The following NXPE3 variants were observed in gnomAD, a reference collection of about 807,000 sequenced individuals.
NXPE3 encodes NXPE family member 3.
NXPE3 carries 26 observed loss-of-function variants against 46.1 expected under a neutral mutation model. That is an observed-to-expected ratio of 0.56 (90% confidence interval 0.41 to 0.78). The LOEUF is 0.78. Among genes scored for constraint, NXPE3 ranks in the 30% least tolerant of loss-of-function variants. The pLI, the probability that NXPE3 is intolerant of heterozygous loss-of-function variation, is 0.00. For synonymous variants in NXPE3, 272 were observed against 257.9 expected, an observed-to-expected ratio of 1.05 and a Z score of -0.52; for missense variants, 620 against 686.0, an observed-to-expected ratio of 0.90 and a Z score of 1.07.
At position 101,807,101 on chromosome 3, in the gene NXPE3, A is replaced by G. The variant is rs377102161; in HGVS notation, c.897A>G (p.Val299=). Residue 299 remains valine (V), a synonymous_variant, in exon 6 of 8, where the codon GTA becomes GTG. Coordinates refer to ENST00000273347, the MANE Select transcript of NXPE3 (RefSeq NM_145037.4). Reference sequence around the variant, plus strand: ...TCAACTCCAGTGGACCTGATTGGGTAACTGTGATTCCCAGGAGAATAAAAG... The same window carrying G: ...TCAACTCCAGTGGACCTGATTGGGTGACTGTGATTCCCAGGAGAATAAAAG... ...MPVNSSGPDW[V]TVIPRRIKET... is the part of the protein sequence containing the mutation. 56 of 1,612,936 alleles carry G rather than the reference A, an allele frequency of 3.5e-5. No homozygotes were observed. Among genetic ancestry groups the G allele is most frequent in the Non-Finnish European group, 4.5e-5 (53 of 1,179,108 alleles).
chr3:101,788,854 G>A (rs532349853), intron 4 of NXPE3, among the ~76,000 whole-genome samples: 11 of 152,016 alleles, frequency 7.2e-5, no homozygotes, highest in Admixed American at 2.0e-4. Flanking sequence ...GACCTCAGGC[G>A]ATCCACCCAC....
chr3:101,816,828 G>C lies in NXPE3; in HGVS notation c.956G>C (p.Gly319Ala), dbSNP rs140150886. The C allele has an allele frequency of 1.4e-4, 220 of 1,614,036 alleles. 1 individual carries two copies. The highest frequency in any genetic ancestry group is 5.0e-4 in the Middle Eastern group (3 of 6,060). ...TNSLELSQGS[G>A]TFPSGYYYKD... ...AGTCTAGAACTATCTCAAGGCTCAGGAACTTTTCCTTCTGGGTATTATTAT... is the reference window on the plus strand; with the variant it reads ...AGTCTAGAACTATCTCAAGGCTCAGCAACTTTTCCTTCTGGGTATTATTAT... The change falls in exon 7 of 8, where the codon GGA (glycine) becomes GCA (alanine). Residue 319 changes from glycine to alanine, a missense_variant. Transcript: ENST00000273347.
At chr3:101,781,946 GTTT>G (rs1224781226) in intron 1 of NXPE3, 161 bp from the exon 2 acceptor site, 1 of 152,088 alleles carries the variant, frequency 6.6e-6, no homozygotes, top group African/African-American at 2.4e-5. Context: ...TTAAATTACT[GTTT>G]TTTATTAGTA....
chr3:101,817,097 G>T (rs1038456067), intron 7 of NXPE3, 96 bp downstream of exon 7: 8 of 1,062,876 alleles, frequency 7.5e-6, no homozygotes, highest in Middle Eastern at 2.1e-4. Flanking sequence ...ATCAGGTGAG[G>T]AAACATATAT....
At chr3:101,817,199 C>T (rs1942013703) in intron 7 of NXPE3, among the ~76,000 whole-genome samples, 198 bp downstream of exon 7, 1 of 152,208 alleles carries the variant, frequency 6.6e-6, no homozygotes, top group Admixed American at 6.5e-5. Flanking sequence ...CATGGAAGCA[C>T]TGGGTTCTCA....
chr3:101,785,711 T>C (rs1044261578), intron 4 of NXPE3, 22 bp downstream of exon 4: 51 of 1,600,412 alleles, frequency 3.2e-5, no homozygotes, highest in Non-Finnish European at 4.1e-5. Context: ...GTATAATCCC[T>C]CATAACTAAG....
At chr3:101,785,306 A>G in intron 3 of NXPE3, 96 bp from the exon 4 acceptor site, 1 of 270,596 alleles carries the variant, frequency 3.7e-6, no homozygotes, top group Middle Eastern at 1.3e-3. Flanking sequence ...TTTGGGCCTT[A>G]GATAAGGTTA....
At chr3:101,811,115 C>A (rs185695226) in intron 6 of NXPE3, among the ~76,000 whole-genome samples, 1 of 152,174 alleles carries the variant, frequency 6.6e-6, no homozygotes, top group Admixed American at 6.5e-5. Context: ...GCCACGCGCC[C>A]GGCCTTGAAT....
Position 101,821,615 on chromosome 3 carries a change from C to T in NXPE3, c.1341C>T (p.His447=), listed in dbSNP as rs1158280828. 1 of 1,614,240 alleles carries T rather than the reference C, an allele frequency of 6.2e-7. No individual in the cohort carries two copies. The highest frequency in any genetic ancestry group is 1.1e-5 in the South Asian group (1 of 91,084). The change falls in exon 8 of 8, where the codon CAC becomes CAT. Residue 447 remains histidine (H), a synonymous_variant. Transcript: ENST00000273347. ...NTVVAIAVWS[H]FSTFPLEVYI... ...TGGTTGCCATAGCTGTATGGTCTCA[C>T]TTCAGCACCTTCCCTTTGGAAGTGT...
intron 6 of NXPE3, among the ~76,000 whole-genome samples, chr3:101,815,329 T>G (rs552923913): frequency 1.6e-4 from 25 of 152,314 alleles, no homozygotes; most frequent in Admixed American, 1.6e-3. Flanking sequence ...TTAAGTGGTG[T>G]TTTTTTGGAA....
At chr3:101,811,257 A>C (rs1941693465) in intron 6 of NXPE3, among the ~76,000 whole-genome samples, 1 of 152,072 alleles carries the variant, frequency 6.6e-6, no homozygotes, top group South Asian at 2.1e-4. Context: ...GGGTTAATAA[A>C]TGTCTCTTGT....
intron 7 of NXPE3, among the ~76,000 whole-genome samples, chr3:101,819,786 A>G (rs1164140740): frequency 6.6e-6 from 1 of 152,166 alleles, no homozygotes; most frequent in African/African-American, 2.4e-5. Context: ...TTCTTTTAGC[A>G]GTTTTGAAAT....
intron 6 of NXPE3, among the ~76,000 whole-genome samples, 185 bp downstream of exon 6, chr3:101,807,311 T>C (rs925446248): frequency 3.4e-4 from 51 of 152,224 alleles, no homozygotes; most frequent in African/African-American, 1.2e-3. Flanking sequence ...GTTTTGCTAT[T>C]TATTGTTATT....
intron 7 of NXPE3, among the ~76,000 whole-genome samples, chr3:101,819,477 G>T (rs1330018546): frequency 6.6e-6 from 1 of 152,204 alleles, no homozygotes; most frequent in Non-Finnish European, 1.5e-5. Context: ...AAGTTTTTCT[G>T]TAGGACATTA....
At chr3:101,797,236 A>T (rs1038519430) in intron 4 of NXPE3, among the ~76,000 whole-genome samples, 6 of 152,114 alleles carry the variant, frequency 3.9e-5, no homozygotes, top group South Asian at 2.1e-4. Flanking sequence ...AGCACTAATT[A>T]TACATTACAT....
chr3:101,780,140 G>A (rs955247436), intron 1 of NXPE3, among the ~76,000 whole-genome samples: 1 of 152,126 alleles, frequency 6.6e-6, no homozygotes, highest in Non-Finnish European at 1.5e-5. Context: ...GGGCCTCCCC[G>A]CTCCTCACTG....
At chr3:101,814,735 T>C (rs568503771) in intron 6 of NXPE3, among the ~76,000 whole-genome samples, 1 of 152,304 alleles carries the variant, frequency 6.6e-6, no homozygotes, top group Admixed American at 6.5e-5. Flanking sequence ...CCTGGTGGTT[T>C]CTTGAAGATT....
At chr3:101,814,237 A>T (rs752755930) in intron 6 of NXPE3, among the ~76,000 whole-genome samples, 3 of 152,210 alleles carry the variant, frequency 2.0e-5, no homozygotes, top group Non-Finnish European at 4.4e-5. Context: ...GAGCTCTCTA[A>T]CTATGCAGCC....
Position 101,821,774 on chromosome 3 carries a change from G to A in NXPE3, c.1500G>A (p.Trp500Ter). 1.9e-6 allele frequency: 3 copies of A among 1,614,180 alleles called. No homozygotes were observed. The highest frequency in any genetic ancestry group is 2.5e-6 in the Non-Finnish European group (3 of 1,180,028). ...GPEVSLFNSD[W>*]YNFQLDTILR... ...AGGTGAGCCTTTTCAACAGCGACTG[G>A]TACAACTTTCAGCTGGACACCATCC... is the stretch of plus-strand genomic sequence containing the variant. The change falls in exon 8 of 8, where the codon TGG (tryptophan) becomes TGA (stop). Residue 500 changes from tryptophan to a stop codon, truncating the protein, a stop_gained. Transcript: ENST00000273347. LOFTEE classifies it high-confidence loss of function.
Sources: allele counts gnomAD v4.1 joint callset (sites outside exome capture counted in the v4.1 genomes callset), GRCh38; gene constraint gnomAD v4.1.1; transcripts MANE v1.5; gene names NCBI Gene and HGNC (gene_info 2026-07-23, HGNC 2026-07-21).